The following PAPOLA variants were observed in gnomAD, a reference collection of about 807,000 sequenced individuals.
PAPOLA encodes poly(A) polymerase alpha.
In PAPOLA, 15 loss-of-function variants were observed where a neutral mutation model predicts 100.6. That is an observed-to-expected ratio of 0.15 (90% CI 0.10 to 0.23). PAPOLA has a LOEUF of 0.23. Ranked by LOEUF, PAPOLA falls within the 10% of genes least tolerant of loss-of-function variation. PAPOLA has a pLI of 1.00. For synonymous variants in PAPOLA, 293 were observed against 300.0 expected (o/e 0.98, Z 0.24); for missense variants, 533 against 884.2 (o/e 0.60, Z 5.04).
chr14:96,549,957 A>G (rs1031751091), intron 16 of PAPOLA, among the ~76,000 whole-genome samples: 1 of 152,118 alleles, frequency 6.6e-6, no homozygotes, highest in Non-Finnish European at 1.5e-5. Context: ...GTTCAAGACC[A>G]TCCTGGGCAA....
chr14:96,513,424 T>C (rs1037273643), intron 1 of PAPOLA, among the ~76,000 whole-genome samples: 1 of 152,190 alleles, frequency 6.6e-6, no homozygotes, highest in African/African-American at 2.4e-5. Flanking sequence ...TTAAAGAGAA[T>C]ATGTCTTCCA....
At chr14:96,528,754 C>G (rs1001248543) in intron 6 of PAPOLA, among the ~76,000 whole-genome samples, 1 of 152,190 alleles carries the variant, frequency 6.6e-6, no homozygotes, top group Admixed American at 6.5e-5. Flanking sequence ...CACTGTTGTA[C>G]TATTTTGCAA....
intron 12 of PAPOLA, 45 bp downstream of exon 12, chr14:96,537,105 T>A: frequency 1.0e-6 from 1 of 978,012 alleles, no homozygotes; most frequent in East Asian, 2.4e-5. Flanking sequence ...TCTTAAGTAA[T>A]GGTTTAATGG....
At position 96,540,382 on chromosome 14, in the gene PAPOLA, C is replaced by T. The variant is rs7146082; in HGVS notation, c.1116-1861C>T. On this transcript the variant is annotated intron_variant, in intron 12 of 21. Transcript: ENST00000216277. ...CTCCTGTTACAAGTCACTGTACTTT[C>T]GTGAGAGAGCTCTTTCTGCATGTTC... 9.9e-3 allele frequency among the ~76,000 whole-genome samples: 1,473 copies of T among 148,224 alleles called. 27 individuals carry two copies. Among genetic ancestry groups the T allele is most frequent in the African/African-American group, 0.031 (1,284 of 40,832 alleles).
At chr14:96,545,763 A>G (rs1332227253) in intron 15 of PAPOLA, among the ~76,000 whole-genome samples, 2 of 152,082 alleles carry the variant, frequency 1.3e-5, no homozygotes, top group African/African-American at 4.8e-5. Context: ...AATAACAAAA[A>G]TACCTCTGCA....
At chr14:96,556,029 A>G (rs1901293985) in intron 18 of PAPOLA, 82 bp downstream of exon 18, 1 of 1,181,650 alleles carries the variant, frequency 8.5e-7, no homozygotes, top group Admixed American at 1.9e-5. Context: ...GGGTTTGTTA[A>G]GTAGTTGAAA....
At chr14:96,555,803 C>A in intron 17 of PAPOLA, 44 bp from the exon 18 acceptor site, 1 of 986,976 alleles carries the variant, frequency 1.0e-6, no homozygotes. Context: ...TTTTATTTTT[C>A]TATTTTTAAA....
intron 21 of PAPOLA, 41 bp downstream of exon 21, chr14:96,562,934 T>C: frequency 1.7e-6 from 2 of 1,147,608 alleles, no homozygotes; most frequent in South Asian, 1.2e-5. Flanking sequence ...GTAAATGTCC[T>C]TAAGATTAGT....
intron 10 of PAPOLA, chr14:96,535,270 A>G: frequency 1.0e-6 from 1 of 968,936 alleles, no homozygotes; most frequent in Non-Finnish European, 1.2e-6. Flanking sequence ...CAAGCTATGC[A>G]TTTTCAGGTT....
chr14:96,520,113 A>G lies in PAPOLA; in HGVS notation c.67A>G (p.Thr23Ala), dbSNP rs1444657326. ...ACCGCCACAGAAGCACTATGGCATT[A>G]CTTCTCCTATCAGCTTAGCAGCCCC... is the stretch of plus-strand genomic sequence containing the variant. ...TQPPQKHYGI[T>A]SPISLAAPKE... Residue 23 changes from threonine to alanine, a missense_variant, in exon 2 of 22, where the codon ACT becomes GCT. Around this residue, in one of 9 missense-constraint regions of PAPOLA, gnomAD observed 48 missense variants for 52.3 expected, o/e 0.92. Transcript: ENST00000216277. 1 of 1,613,828 alleles carries G rather than the reference A, an allele frequency of 6.2e-7. No individual in the cohort carries two copies. The highest frequency in any genetic ancestry group is 1.7e-5 in the Admixed American group (1 of 60,020).
chr14:96,506,137 C>G (rs550669381), intron 1 of PAPOLA, among the ~76,000 whole-genome samples: 34 of 152,272 alleles, frequency 2.2e-4, no homozygotes, highest in African/African-American at 7.7e-4. Context: ...TTCCTGACCT[C>G]GTGATCCCCC....
intron 19 of PAPOLA, among the ~76,000 whole-genome samples, chr14:96,556,939 CT>C (rs775418359): frequency 6.6e-6 from 1 of 152,200 alleles, no homozygotes; most frequent in East Asian, 1.9e-4. Flanking sequence ...CTTAAAGAAA[CT>C]TTCTAGCATC....
chr14:96,537,947 G>A (rs1428282222), intron 12 of PAPOLA: 3 of 151,922 alleles, frequency 2.0e-5, no homozygotes, highest in Admixed American at 6.6e-5. Flanking sequence ...GCATGAGAAA[G>A]CAATAACGGA....
chr14:96,536,137 T>C, intron 11 of PAPOLA, 138 bp downstream of exon 11: 1 of 584,692 alleles, frequency 1.7e-6, no homozygotes, highest in Non-Finnish European at 2.7e-6. Context: ...TATTACAGTA[T>C]ATATTTGAGA....
chr14:96,531,512 T>C lies in PAPOLA; in HGVS notation c.533T>C (p.Ile178Thr). ...TTTGCAAGATTAGCACTGCAGACAATTCCTGAAGATTTGGATCTACGAGAT... is the reference window on the plus strand; with the variant it reads ...TTTGCAAGATTAGCACTGCAGACAACTCCTGAAGATTTGGATCTACGAGAT... ...ILFARLALQT[I>T]PEDLDLRDDS... is the part of the protein sequence containing the mutation. The change falls in exon 7 of 22, where the codon ATT becomes ACT. Residue 178 changes from isoleucine to threonine, a missense_variant. Physicochemically the swap from Ile to Thr is moderately conservative, Grantham distance 89. This residue lies in a region of PAPOLA where 33 missense variants were observed against 39.2 expected (regional missense o/e 0.84). Transcript: ENST00000216277. The C allele has an allele frequency of 6.2e-7, 1 of 1,611,168 alleles. No homozygotes were observed. The highest frequency in any genetic ancestry group is 1.3e-5 in the African/African-American group (1 of 75,010).
chr14:96,556,687 A>G (rs1435639349), intron 19 of PAPOLA, among the ~76,000 whole-genome samples: 6 of 152,238 alleles, frequency 3.9e-5, no homozygotes. Context: ...AGAATTTAAC[A>G]TGAAATTACA....
intron 9 of PAPOLA, chr14:96,533,453 A>G: frequency 1.0e-6 from 1 of 984,028 alleles, no homozygotes; most frequent in Non-Finnish European, 1.2e-6. Flanking sequence ...AAAATTTAGA[A>G]CCATGCCACA....
At chr14:96,532,123 A>T (rs562461837) in intron 7 of PAPOLA, 1 of 1,369,786 alleles carries the variant, frequency 7.3e-7, no homozygotes, top group African/African-American at 1.5e-5. Flanking sequence ...ACAATAGGAG[A>T]TAAATGCTTT....
chr14:96,518,843 G>C (rs1451898549), intron 1 of PAPOLA, among the ~76,000 whole-genome samples: 15 of 151,928 alleles, frequency 9.9e-5, no homozygotes, highest in Admixed American at 9.8e-4. Flanking sequence ...GATCACTTGA[G>C]CTCAGGAGTT....
Sources: allele counts gnomAD v4.1 joint callset (sites outside exome capture counted in the v4.1 genomes callset), GRCh38; gene constraint gnomAD v4.1.1; regional missense constraint gnomAD v4.1.1; transcripts MANE v1.5; gene names NCBI Gene and HGNC (gene_info 2026-07-23, HGNC 2026-07-21).